The following SCN9A variants were observed in gnomAD, a reference collection of about 807,000 sequenced individuals.
The protein encoded by SCN9A is sodium channel protein type 9 subunit alpha.
A neutral mutation model predicts 187.0 loss-of-function variants in SCN9A; 131 were observed. The observed-to-expected ratio is 0.70, with a 90% CI of 0.61 to 0.81. The LOEUF is 0.81. Ranked by LOEUF, SCN9A falls within the 30% of genes least tolerant of loss-of-function variation. SCN9A has a pLI of 0.00. For synonymous variants in SCN9A, 809 were observed against 808.6 expected (o/e 1.00, Z -0.01); for missense variants, 2,252 against 2,396.6 (o/e 0.94, Z 1.26).
intron 19 of SCN9A, 74 bp downstream of exon 19, chr2:166,242,428 T>C: frequency 7.8e-7 from 1 of 1,284,140 alleles, no homozygotes; most frequent in Non-Finnish European, 1.0e-6. Context: ...CTTGCCATGA[T>C]ATTTTTATCT....
intron 11 of SCN9A, among the ~76,000 whole-genome samples, chr2:166,285,619 T>A (rs6722503): frequency 0.7 from 106,382 of 151,822 alleles, 38,471 homozygotes; most frequent in African/African-American, 0.89. Context: ...TCTATCTTTT[T>A]TTACTGTGTA....
intron 1 of SCN9A, among the ~76,000 whole-genome samples, chr2:166,346,256 C>A (rs545375585): frequency 6.6e-6 from 1 of 152,266 alleles, no homozygotes; most frequent in Non-Finnish European, 1.5e-5. Context: ...TCACAAAAGT[C>A]TTCTCATTAT....
intron 17 of SCN9A, among the ~76,000 whole-genome samples, chr2:166,256,628 G>T (rs1390564194): frequency 6.6e-6 from 1 of 151,232 alleles, no homozygotes; most frequent in African/African-American, 2.4e-5. Flanking sequence ...TTTAAAAAAA[G>T]GGCAAGAAAA....
intron 13 of SCN9A, among the ~76,000 whole-genome samples, chr2:166,280,907 A>G (rs953471215): frequency 3.9e-5 from 6 of 152,174 alleles, no homozygotes; most frequent in Non-Finnish European, 8.8e-5. Context: ...CTTAACAGAG[A>G]AATGTATGTT....
chr2:166,347,052 C>T (rs1699917111), intron 1 of SCN9A, among the ~76,000 whole-genome samples: 1 of 152,182 alleles, frequency 6.6e-6, no homozygotes, highest in East Asian at 1.9e-4. Context: ...AATTTGCTGA[C>T]ATCTGCCTTG....
chr2:166,199,192 G>A lies in SCN9A; in HGVS notation c.5447C>T (p.Ala1816Val). 2 of 1,614,176 alleles carry A rather than the reference G, an allele frequency of 1.2e-6. No homozygotes were observed. Among genetic ancestry groups the A allele is most frequent in the African/African-American group, 1.3e-5 (1 of 75,042 alleles). ...AAALDPPLLIAKPNKVQLIAM... is the reference protein window; with the variant it reads ...AAALDPPLLIVKPNKVQLIAM... ...AATGAGCTGGACTTTGTTGGGTTTT[G>A]CTATGAGAAGAGGAGGATCCAGGGC... The change falls in exon 27 of 27, where the codon GCA becomes GTA. Residue 1816 changes from alanine (A) to valine (V), a missense_variant. By Grantham distance (64) the Ala-to-Val change is moderately conservative (BLOSUM62 0). Coordinates refer to ENST00000642356, the MANE Select transcript of SCN9A (RefSeq NM_001365536.1).
rs200192044 is a variant in SCN9A at position 166,284,777 on chromosome 2, G to C, written c.1650C>G (p.Ser550Arg). The stretch of plus-strand genomic sequence containing the variant: ...CTTTGAAACTAAAAAGACTTGTTCT[G>C]CTGCTTCGCCTTGCAGAAAACAAGG... ...RGSLFSARRSSRTSLFSFKGR... is the reference protein window; with the variant it reads ...RGSLFSARRSRRTSLFSFKGR... Residue 550 changes from serine (S) to arginine (R), a missense_variant, in exon 12 of 27, where the codon AGC becomes AGG. Around this residue, in one of 7 missense-constraint regions of SCN9A, gnomAD observed 1,013 missense variants for 997.4 expected, o/e 1.02. Coordinates refer to ENST00000642356, the MANE Select transcript of SCN9A (RefSeq NM_001365536.1). The C allele has an allele frequency of 7.1e-5, 115 of 1,613,240 alleles. No homozygotes were observed. Among genetic ancestry groups the C allele is most frequent in the Non-Finnish European group, 9.4e-5 (111 of 1,179,816 alleles).
chr2:166,314,914 A>C (rs1204933738), intron 1 of SCN9A, among the ~76,000 whole-genome samples: 1 of 152,226 alleles, frequency 6.6e-6, no homozygotes, highest in African/African-American at 2.4e-5. Context: ...ACCTTTGTGA[A>C]CATACTAAAA....
intron 1 of SCN9A, among the ~76,000 whole-genome samples, chr2:166,313,276 C>A (rs1023138936): frequency 1.3e-5 from 2 of 152,196 alleles, no homozygotes; most frequent in African/African-American, 4.8e-5. Flanking sequence ...TCAGCCTGTT[C>A]GTTGAAGCTT....
chr2:166,304,200 T>G (rs776654464), intron 6 of SCN9A, 38 bp downstream of exon 6: 1 of 1,610,842 alleles, frequency 6.2e-7, no homozygotes, highest in Admixed American at 1.7e-5. Flanking sequence ...TAGTTGGAGT[T>G]ATGAGTGGCC....
At chr2:166,333,619 A>G (rs1699560206) in intron 1 of SCN9A, among the ~76,000 whole-genome samples, 1 of 152,090 alleles carries the variant, frequency 6.6e-6, no homozygotes, top group Non-Finnish European at 1.5e-5. Context: ...ACACAATACC[A>G]TATTTCATGA....
intron 1 of SCN9A, 79 bp from the exon 2 acceptor site, chr2:166,311,885 A>G (rs1698974879): frequency 4.9e-6 from 4 of 814,404 alleles, no homozygotes; most frequent in Non-Finnish European, 7.3e-6. Context: ...ATAACAACAT[A>G]AACAGATTTT....
chr2:166,225,119 C>A (rs1344611600), intron 24 of SCN9A, among the ~76,000 whole-genome samples: 1 of 152,232 alleles, frequency 6.6e-6, no homozygotes, highest in African/African-American at 2.4e-5. Context: ...TCATCTTTTA[C>A]TATTTCTCCA....
chr2:166,251,637 C>T, intron 18 of SCN9A, 128 bp downstream of exon 18: 1 of 956,632 alleles, frequency 1.0e-6, no homozygotes, highest in Non-Finnish European at 1.6e-6. Context: ...CATCATACAG[C>T]TATAGCTGAA....
chr2:166,331,955 T>C (rs1374215999), intron 1 of SCN9A, among the ~76,000 whole-genome samples: 2 of 152,230 alleles, frequency 1.3e-5, no homozygotes, highest in Middle Eastern at 6.8e-3. Flanking sequence ...AATGAACAGG[T>C]ATTTCCCATT....
intron 1 of SCN9A, among the ~76,000 whole-genome samples, chr2:166,359,064 C>T (rs1256150409): frequency 6.6e-6 from 1 of 152,042 alleles, no homozygotes; most frequent in Admixed American, 6.6e-5. Context: ...TCATATGTAA[C>T]TATGTCTATT....
intron 13 of SCN9A, 141 bp downstream of exon 13, chr2:166,281,538 A>G: frequency 1.6e-6 from 1 of 641,844 alleles, no homozygotes; most frequent in Non-Finnish European, 2.5e-6. Context: ...ATCAGTATCC[A>G]TTGGTTATCT....
rs140055838 is a variant in SCN9A at position 166,242,384 on chromosome 2, C to A, written c.3627+118G>T. 1,062 of 861,580 alleles carry A rather than the reference C, an allele frequency of 1.2e-3. 19 individuals are homozygous for A. In the Admixed American group the frequency reaches 0.021, roughly 17 times the overall value. 53.4% of individuals were successfully genotyped at this position (861,580 alleles called of 1,614,324 possible). ...AGCTCAAGTAAAATTTTGTCATTGG[C>A]ACTAATCATAGGGATTAATTCTAGG... On this transcript the variant is annotated intron_variant, in intron 19 of 26. Transcript: ENST00000642356.
chr2:166,303,341 G>A (rs763608389), intron 6 of SCN9A, 39 bp from the exon 7 acceptor site: 1 of 1,519,988 alleles, frequency 6.6e-7, no homozygotes, highest in Non-Finnish European at 9.0e-7. Context: ...ATGACATAAA[G>A]CCTCTGAATC....
Sources: gnomAD v4.1 joint callset for allele counts (sites outside exome capture counted in the v4.1 genomes callset) on GRCh38, gnomAD v4.1.1 for gene constraint, gnomAD v4.1.1 regional missense constraint, MANE v1.5 for transcripts, NCBI Gene and HGNC (gene_info 2026-07-23, HGNC 2026-07-21) for gene names.